SPRED2: variants seen among roughly 807,000 people sequenced by gnomAD.
The protein encoded by SPRED2 is sprouty related EVH1 domain containing 2, also known as sprouty-related, EVH1 domain-containing protein 2.
A neutral mutation model predicts 43.0 loss-of-function variants in SPRED2; 47 were observed. That is an observed-to-expected ratio of 1.09 (90% CI 0.87 to 1.40). The LOEUF is 1.40. Ranked by LOEUF, SPRED2 falls within the 40% of genes most tolerant of loss-of-function variation. The pLI is 0.00. For synonymous variants in SPRED2, 225 were observed against 225.7 expected (o/e 1.00, Z 0.03); for missense variants, 561 against 586.4 (o/e 0.96, Z 0.45).
At chr2:65,373,604 A>G (rs1404994141) in intron 1 of SPRED2, 3 of 152,290 alleles carry the variant, frequency 2.0e-5, no homozygotes, top group Non-Finnish European at 4.4e-5. Context: ...CAAAGACCCA[A>G]GATGGGGAGA....
chr2:65,334,555 T>G (rs1413699838), intron 3 of SPRED2, 50 bp downstream of exon 3: 7 of 1,586,838 alleles, frequency 4.4e-6, no homozygotes. Flanking sequence ...TTAAAAATAA[T>G]TTGGAACATT....
rs1456872993 is a variant in SPRED2 at position 65,313,202 on chromosome 2, CAGTT to C, written c.*295_*298del. On this transcript the variant is annotated 3_prime_UTR_variant, in exon 6 of 6. Transcript: ENST00000356388. ...ACAGGAAATCAACACATGGATGAGACAGTTAGCTTGGTTACAGATTGTTAATAGT... is the reference window on the plus strand; with the variant it reads ...ACAGGAAATCAACACATGGATGAGACAGCTTGGTTACAGATTGTTAATAGT... The C allele has an allele frequency of 1.7e-5, 19 of 1,111,452 alleles. No individual in the cohort carries two copies. The East Asian group carries it at 2.0e-4, about 12-fold the overall frequency. 68.8% of individuals were successfully genotyped at this position (1,111,452 alleles called of 1,614,324 possible). A position where few individuals can be genotyped will look rare whatever the true frequency, so the allele number is the denominator to read the frequency against.
intron 1 of SPRED2, among the ~76,000 whole-genome samples, chr2:65,391,428 C>A (rs758002262): frequency 6.6e-6 from 1 of 152,124 alleles, no homozygotes; most frequent in Non-Finnish European, 1.5e-5. Context: ...TTGCTATGCA[C>A]GTTTTAGGCA....
chr2:65,390,171 T>G (rs555957432), intron 1 of SPRED2, among the ~76,000 whole-genome samples: 1 of 152,272 alleles, frequency 6.6e-6, no homozygotes, highest in South Asian at 2.1e-4. Flanking sequence ...AGGTGACTGA[T>G]GAGCCAGACC....
At chr2:65,407,664 ACT>A (rs1249793419) in intron 1 of SPRED2, among the ~76,000 whole-genome samples, 9 of 151,750 alleles carry the variant, frequency 5.9e-5, no homozygotes, top group Admixed American at 5.9e-4. Context: ...CAAAAGATCA[ACT>A]CTCCTCAGCT....
rs764992408 is a variant in SPRED2 at position 65,316,817 on chromosome 2, G to C, written c.505C>G (p.Pro169Ala). 1 of 1,613,882 alleles carries C rather than the reference G, an allele frequency of 6.2e-7. No individual in the cohort carries two copies. The highest frequency in any genetic ancestry group is 8.5e-7 in the Non-Finnish European group (1 of 1,179,944). The change falls in exon 5 of 6, where the codon CCC becomes GCC. Residue 169 changes from proline to alanine, a missense_variant. Pro to Ala is a conservative substitution (Grantham distance 27). Transcript: ENST00000356388. ...ATCCTCCGGTGCTCACAGGATGTGGGAGAGGAGATTGTCCGAGTAGGTTGC... is the reference window on the plus strand; with the variant it reads ...ATCCTCCGGTGCTCACAGGATGTGGCAGAGGAGATTGTCCGAGTAGGTTGC... ...REQPTRTISS[P>A]TSCEHRRIYT... is the part of the protein sequence containing the mutation.
intron 1 of SPRED2, among the ~76,000 whole-genome samples, chr2:65,430,254 A>T (rs1357281513): frequency 6.6e-6 from 1 of 152,216 alleles, no homozygotes; most frequent in Admixed American, 6.5e-5. Context: ...CTATATACGA[A>T]GACAAAGCAA....
At chr2:65,409,987 A>T (rs1463192573) in intron 1 of SPRED2, among the ~76,000 whole-genome samples, 1 of 150,586 alleles carries the variant, frequency 6.6e-6, no homozygotes, top group African/African-American at 2.4e-5. Context: ...CCAAGATTGC[A>T]CCACTGTACT....
At chr2:65,335,098 G>A (rs1435739146) in intron 2 of SPRED2, among the ~76,000 whole-genome samples, 1 of 152,190 alleles carries the variant, frequency 6.6e-6, no homozygotes, top group African/African-American at 2.4e-5. Context: ...CTGCTTTTAT[G>A]TTGGGGTTTT....
chr2:65,388,993 G>T (rs993548859), intron 1 of SPRED2, among the ~76,000 whole-genome samples: 2 of 152,152 alleles, frequency 1.3e-5, no homozygotes, highest in African/African-American at 2.4e-5. Flanking sequence ...ACAGGTGGGG[G>T]TCAGGACAGA....
At chr2:65,388,219 C>T (rs1179100788) in intron 1 of SPRED2, among the ~76,000 whole-genome samples, 1 of 152,200 alleles carries the variant, frequency 6.6e-6, no homozygotes, top group African/African-American at 2.4e-5. Context: ...TTTAATAAAG[C>T]GTGTATGGGG....
At chr2:65,353,654 T>G (rs994660425) in intron 1 of SPRED2, among the ~76,000 whole-genome samples, 1 of 152,224 alleles carries the variant, frequency 6.6e-6, no homozygotes, top group Non-Finnish European at 1.5e-5. Flanking sequence ...CATACCTTGT[T>G]TAACATACAG....
intron 1 of SPRED2, among the ~76,000 whole-genome samples, chr2:65,422,617 G>C (rs1676456313): frequency 6.6e-6 from 1 of 151,700 alleles, no homozygotes; most frequent in African/African-American, 2.4e-5. Context: ...TTTGCAACTG[G>C]GGCCTAAGTA....
At chr2:65,402,676 G>A (rs1358110642) in intron 1 of SPRED2, among the ~76,000 whole-genome samples, 1 of 152,196 alleles carries the variant, frequency 6.6e-6, no homozygotes, top group Non-Finnish European at 1.5e-5. Flanking sequence ...TCCTATCAGA[G>A]CTCATATGGA....
At chr2:65,367,757 G>A (rs543190589) in intron 1 of SPRED2, among the ~76,000 whole-genome samples, 2 of 152,256 alleles carry the variant, frequency 1.3e-5, no homozygotes, top group East Asian at 3.9e-4. Context: ...CAGTGTTAAC[G>A]TTATGAAGGA....
chr2:65,343,267 T>C (rs910703158), intron 2 of SPRED2, among the ~76,000 whole-genome samples: 2 of 152,218 alleles, frequency 1.3e-5, no homozygotes, highest in African/African-American at 4.8e-5. Flanking sequence ...ACAAGAATGT[T>C]TTCATTATTT....
At chr2:65,368,386 T>C (rs1050681410) in intron 1 of SPRED2, among the ~76,000 whole-genome samples, 3 of 152,218 alleles carry the variant, frequency 2.0e-5, no homozygotes, top group Non-Finnish European at 4.4e-5. Flanking sequence ...TGCAGCCTTA[T>C]CAAAATGTTT....
chr2:65,381,391 G>A (rs874952), intron 1 of SPRED2, among the ~76,000 whole-genome samples: 16,692 of 152,180 alleles, frequency 0.11, 1,369 homozygotes, highest in Non-Finnish European at 0.16. Context: ...AAGCAGCATG[G>A]CCCAAGTTGT....
intron 1 of SPRED2, among the ~76,000 whole-genome samples, chr2:65,365,910 A>G (rs552873353): frequency 6.6e-6 from 1 of 152,228 alleles, no homozygotes; most frequent in South Asian, 2.1e-4. Context: ...ATTATGCAGA[A>G]TGATCCTTCA....
Sources: gnomAD v4.1 joint callset for allele counts (sites outside exome capture counted in the v4.1 genomes callset) on GRCh38, gnomAD v4.1.1 for gene constraint, MANE v1.5 for transcripts, NCBI Gene and HGNC (gene_info 2026-07-23, HGNC 2026-07-21) for gene names.